Variants in ACIN1 observed in about 807,000 individuals in gnomAD.
ACIN1 encodes apoptotic chromatin condensation inducer 1, also known as apoptotic chromatin condensation inducer in the nucleus.
Under a neutral mutation model 146.6 loss-of-function variants are expected in ACIN1, and 16 were observed. The ratio of observed to expected loss-of-function variants is 0.11; its 90% CI spans 0.07 to 0.17. The LOEUF is 0.17. Ranked by LOEUF, ACIN1 falls within the 10% of genes least tolerant of loss-of-function variation. The pLI, the probability that ACIN1 is intolerant of heterozygous loss-of-function variation, is 1.00. For missense variants in ACIN1, 1,357 were observed against 1,609.3 expected (o/e 0.84, Z 2.68); for synonymous variants, 569 against 582.7 (o/e 0.98, Z 0.34).
chr14:23,091,425 C>T (rs1246074983), intron 2 of ACIN1, among the ~76,000 whole-genome samples: 1 of 151,770 alleles, frequency 6.6e-6, no homozygotes, highest in African/African-American at 2.4e-5. Flanking sequence ...ATGGCAAAAC[C>T]CGTCTCTACC....
At chr14:23,095,316 T>A (rs533891829), upstream of ACIN1, 1 of 1,568,030 alleles carries the variant, frequency 6.4e-7, no homozygotes, top group Non-Finnish European at 8.7e-7. Context: ...CCATCCGCCC[T>A]GCAGCGCCCC....
chr14:23,085,458 GAATTAT>G (rs2048067098), intron 4 of ACIN1, among the ~76,000 whole-genome samples: 1 of 152,264 alleles, frequency 6.6e-6, no homozygotes, highest in Middle Eastern at 3.4e-3. Context: ...GCTATTTATT[GAATTAT>G]AATGTTATTT....
chr14:23,076,037 T>A (rs1446756156), intron 8 of ACIN1, among the ~76,000 whole-genome samples: 1 of 152,134 alleles, frequency 6.6e-6, no homozygotes, highest in Non-Finnish European at 1.5e-5. Flanking sequence ...GCATTGTTGA[T>A]TACGCTTTCA....
chr14:23,085,427 T>C (rs776873065), intron 4 of ACIN1, among the ~76,000 whole-genome samples: 5 of 152,230 alleles, frequency 3.3e-5, no homozygotes, highest in Admixed American at 6.5e-5. Flanking sequence ...AGCCTCTTTA[T>C]CTACCTACTG....
At chr14:23,079,499 C>T (rs969288579) in intron 6 of ACIN1, 48 bp downstream of exon 6, 15 of 1,587,208 alleles carry the variant, frequency 9.5e-6, no homozygotes, top group Non-Finnish European at 1.3e-5. Flanking sequence ...ATGAAAACCA[C>T]TGGAATATGA....
intron 4 of ACIN1, 70 bp from the exon 5 acceptor site, chr14:23,081,906 G>T: frequency 1.6e-6 from 2 of 1,285,590 alleles, no homozygotes; most frequent in Non-Finnish European, 2.2e-6. Flanking sequence ...TAAAAATCAG[G>T]CTTTCTAATA....
Position 23,063,087 on chromosome 14 carries a change from C to G in ACIN1, c.2738-13G>C. 6.3e-7 allele frequency: 1 copy of G among 1,592,564 alleles called. No individual in the cohort carries two copies. Among genetic ancestry groups the G allele is most frequent in the Non-Finnish European group, 8.5e-7 (1 of 1,170,634 alleles). ...TCTCCTAAAGTCACTATCAAGAAGACCACAAGAACAGCTTTTGGTAGGAAG... is the reference window on the plus strand; with the variant it reads ...TCTCCTAAAGTCACTATCAAGAAGAGCACAAGAACAGCTTTTGGTAGGAAG... On this transcript the variant is annotated splice_polypyrimidine_tract_variant and intron_variant, in intron 13 of 18. Transcript: ENST00000605057.
intron 3 of ACIN1, 47 bp downstream of exon 3, chr14:23,090,475 G>T: frequency 6.5e-7 from 1 of 1,529,942 alleles, no homozygotes; most frequent in Non-Finnish European, 9.0e-7. Context: ...TTGGTGACAG[G>T]GATAAGAATG....
At chr14:23,078,384 C>T (rs147082668) in intron 7 of ACIN1, 118 bp from the exon 8 acceptor site, 276 of 692,016 alleles carry the variant, frequency 4.0e-4, no homozygotes, top group African/African-American at 3.5e-3. Flanking sequence ...GCTCCACACA[C>T]GGCCCTCTGT....
At chr14:23,078,114 G>A in intron 8 of ACIN1, 37 bp downstream of exon 8, 1 of 1,595,516 alleles carries the variant, frequency 6.3e-7, no homozygotes, top group Non-Finnish European at 8.6e-7. Flanking sequence ...CACACTCATA[G>A]TTCCCTGTTA....
At chr14:23,073,281 AAC>A (rs1475472987) in intron 8 of ACIN1, among the ~76,000 whole-genome samples, 3 of 152,254 alleles carry the variant, frequency 2.0e-5, no homozygotes, top group African/African-American at 4.8e-5. Flanking sequence ...CCCAGGGCCT[AAC>A]ACAAAGTAAT....
chr14:23,062,904 G>A, intron 14 of ACIN1, 25 bp downstream of exon 14: 1 of 1,590,150 alleles, frequency 6.3e-7, no homozygotes, highest in Non-Finnish European at 8.6e-7. Flanking sequence ...TAAGCAAGCT[G>A]GGATGGTGAG....
At chr14:23,066,631 G>A (rs1042140646) in intron 9 of ACIN1, 1 of 152,334 alleles carries the variant, frequency 6.6e-6, no homozygotes, top group African/African-American at 2.4e-5. Context: ...CTGGAGATGA[G>A]GCTCTTGAGC....
At chr14:23,090,392 C>T (rs1161845117) in intron 3 of ACIN1, 130 bp downstream of exon 3, 1 of 883,854 alleles carries the variant, frequency 1.1e-6, no homozygotes, top group Non-Finnish European at 1.7e-6. Context: ...GCTTCATGGG[C>T]TATGAAAGCA....
chr14:23,070,569 G>A (rs952431378), intron 8 of ACIN1, among the ~76,000 whole-genome samples: 1 of 152,010 alleles, frequency 6.6e-6, no homozygotes, highest in Non-Finnish European at 1.5e-5. Context: ...ATTCACTTCA[G>A]ATAAACTATC....
chr14:23,068,037 A>AC lies in ACIN1; in HGVS notation c.2265+1438dup. 1 of 985,896 alleles carries AC rather than the reference A, an allele frequency of 1.0e-6. No homozygotes were observed. The highest frequency in any genetic ancestry group is 1.2e-6 in the Non-Finnish European group (1 of 829,952). 61.1% of individuals were successfully genotyped at this position (985,896 alleles called of 1,614,324 possible). On this transcript the variant is annotated intron_variant, in intron 9 of 18. Transcript: ENST00000605057. This position sits in a 1 kb window ranked among gnomAD's most constrained non-coding sequence, Gnocchi z 4.3. ...CAGGGATGGAGGAGAAGTTGGAGCAACCAACATGCTGCCCTTCACCATGGA... is the reference window on the plus strand; with the variant it reads ...CAGGGATGGAGGAGAAGTTGGAGCAACCCAACATGCTGCCCTTCACCATGGA...
chr14:23,061,610 G>T lies in ACIN1; in HGVS notation c.3112C>A (p.Arg1038=), dbSNP rs1439121887. Residue 1038 remains arginine, a synonymous_variant, in exon 17 of 19, where the codon CGA becomes AGA. Coordinates refer to ENST00000605057, the MANE Select transcript of ACIN1 (RefSeq NM_001386863.1). The stretch of plus-strand genomic sequence containing the variant: ...GAGGGACGGTCCACCAAGAGGCCTC[G>T]GTGATAATCCAGCTGTGGGGAGAGG... ...YAEQDELDYH[R]GLLVDRPSET... 3.9e-6 allele frequency: 6 copies of T among 1,536,500 alleles called. No individual in the cohort carries two copies. Among genetic ancestry groups the T allele is most frequent in the African/African-American group, 1.4e-5 (1 of 72,864 alleles).
At position 23,080,797 on chromosome 14, in the gene ACIN1, T is replaced by C. The variant is rs1269629175; in HGVS notation, c.538A>G (p.Lys180Glu). Residue 180 changes from lysine to glutamate, a missense_variant, in exon 6 of 19, where the codon AAA (lysine) becomes GAA (glutamate). Physicochemically the swap from Lys to Glu is moderately conservative, Grantham distance 56. Coordinates refer to ENST00000605057, the MANE Select transcript of ACIN1 (RefSeq NM_001386863.1). ...SSRVRQARAA[K>E]LSEGSQPAEE... ...GCAGGTTGGCTGCCCTCAGACAGTTTAGCTGCTCTTGCCTGAAAGAACAGA... is the reference window on the plus strand; with the variant it reads ...GCAGGTTGGCTGCCCTCAGACAGTTCAGCTGCTCTTGCCTGAAAGAACAGA... 1.2e-6 allele frequency: 2 copies of C among 1,601,922 alleles called. No homozygotes were observed. Among genetic ancestry groups the C allele is most frequent in the Non-Finnish European group, 1.7e-6 (2 of 1,172,672 alleles).
chr14:23,068,059 T>C lies in ACIN1; in HGVS notation c.2265+1417A>G. The C allele has an allele frequency of 1.0e-6, 1 of 985,852 alleles. No homozygotes were observed. The highest frequency in any genetic ancestry group is 1.2e-6 in the Non-Finnish European group (1 of 829,948). The allele number at this position is 985,852 out of a possible 1,614,324, so 61.1% of individuals were successfully genotyped here. On this transcript the variant is annotated intron_variant, in intron 9 of 18. Coordinates refer to ENST00000605057, the MANE Select transcript of ACIN1 (RefSeq NM_001386863.1). This position sits in a 1 kb window ranked among gnomAD's most constrained non-coding sequence, Gnocchi z 4.3. ...GCAACCAACATGCTGCCCTTCACCA[T>C]GGACAACAGGGACCAAAGGAAAGTC...
Sources: allele counts gnomAD v4.1 joint callset (sites outside exome capture counted in the v4.1 genomes callset), GRCh38; gene constraint gnomAD v4.1.1; non-coding constraint Gnocchi (gnomAD v3.1); transcripts MANE v1.5; gene names NCBI Gene and HGNC (gene_info 2026-07-23, HGNC 2026-07-21).